Variants in CLEC2B observed in about 807,000 individuals in gnomAD.
CLEC2B encodes the protein C-type lectin domain family 2 member B.
A neutral mutation model predicts 16.2 loss-of-function variants in CLEC2B; 14 were observed. That is an observed-to-expected ratio of 0.86 (90% CI 0.57 to 1.35). CLEC2B has a LOEUF of 1.35. Ranked by LOEUF, CLEC2B falls within the 40% of genes most tolerant of loss-of-function variation. The pLI is 0.00. For missense variants in CLEC2B, 166 were observed against 182.3 expected (o/e 0.91, Z 0.52); for synonymous variants, 42 against 55.8 (o/e 0.75, Z 1.10).
At chr12:9,866,602 TG>T (rs1867971806) in intron 1 of CLEC2B, among the ~76,000 whole-genome samples, 2 of 152,250 alleles carry the variant, frequency 1.3e-5, no homozygotes, top group African/African-American at 4.8e-5. Context: ...TTATTTTGTG[TG>T]TGTTAAGAGT....
intron 2 of CLEC2B, 31 bp downstream of exon 2, chr12:9,862,468 C>T (rs778547868): frequency 7.0e-7 from 1 of 1,425,068 alleles, no homozygotes; most frequent in Non-Finnish European, 9.4e-7. Flanking sequence ...CATAGAAAGC[C>T]ATGAAAAATA....
Position 9,853,387 on chromosome 12 carries a change from T to A in CLEC2B, c.363A>T (p.Glu121Asp). The change falls in exon 5 of 5, where the codon GAA becomes GAT. Residue 121 changes from glutamate to aspartate, a missense_variant. Transcript: ENST00000228438. ...CATCATCGCTGAGGTAGGCACATCC[T>A]TCACTCCCTCTCATGCCAAACCTGC... ...FTKSFGMRGSEGCAYLSDDGA... is the reference protein window; with the variant it reads ...FTKSFGMRGSDGCAYLSDDGA... 1 of 1,613,958 alleles carries A rather than the reference T, an allele frequency of 6.2e-7. No individual in the cohort carries two copies. Among genetic ancestry groups the A allele is most frequent in the Non-Finnish European group, 8.5e-7 (1 of 1,179,848 alleles).
intron 4 of CLEC2B, 64 bp downstream of exon 4, chr12:9,854,317 G>T: frequency 9.5e-7 from 1 of 1,056,852 alleles, no homozygotes; most frequent in Non-Finnish European, 1.4e-6. Flanking sequence ...TTTAGCTAAA[G>T]CATAAGTCCT....
chr12:9,863,315 T>A (rs1867947495), intron 1 of CLEC2B, among the ~76,000 whole-genome samples: 1 of 151,490 alleles, frequency 6.6e-6, no homozygotes, highest in South Asian at 2.1e-4. Flanking sequence ...GACAGGTAAA[T>A]TACAAGGAAT....
intron 2 of CLEC2B, among the ~76,000 whole-genome samples, chr12:9,858,026 A>G (rs1867907412): frequency 6.6e-6 from 1 of 151,964 alleles, no homozygotes; most frequent in Non-Finnish European, 1.5e-5. Context: ...TTTAATCTAC[A>G]AAGAAGCAAC....
chr12:9,865,201 A>T lies in CLEC2B; in HGVS notation c.-2-2628T>A, dbSNP rs867554722. Among the ~76,000 whole-genome samples, 346 of 133,636 alleles carry T rather than the reference A, an allele frequency of 2.6e-3. 2 individuals are homozygous for T. The Middle Eastern group carries it at 0.053, about 20-fold the overall frequency. 87.7% of individuals were successfully genotyped at this position (133,636 alleles called of 152,430 possible). A position where few individuals can be genotyped will look rare whatever the true frequency, so the allele number is the denominator to read the frequency against. On this transcript the variant is annotated intron_variant, in intron 1 of 4. Transcript: ENST00000228438. ...CTCTCAAAAAAAAAAAAAAAAAAAA[A>T]GCATAAAGTTAAAGTGGCTGACTTG...
rs990774298 is a variant in CLEC2B at position 9,852,717 on chromosome 12, G to T, written c.*583C>A. Among the ~76,000 whole-genome samples the T allele has an allele frequency of 2.0e-5, 3 of 152,030 alleles. No individual in the cohort carries two copies. Among genetic ancestry groups the T allele is most frequent in the Non-Finnish European group, 4.4e-5 (3 of 68,032 alleles). On this transcript the variant is annotated 3_prime_UTR_variant, in exon 5 of 5. Coordinates refer to ENST00000228438, the MANE Select transcript of CLEC2B (RefSeq NM_005127.3). ...GTAAAGCCAGTTAGCAAACACATAC[G>T]GTGTGTGATCTCCTCCTCACCTTCA...
At chr12:9,854,559 T>C (rs1022650392) in intron 3 of CLEC2B, 75 bp from the exon 4 acceptor site, 5 of 998,178 alleles carry the variant, frequency 5.0e-6, no homozygotes, top group African/African-American at 4.8e-5. Context: ...TCTTGTTTCG[T>C]AGGTTGTGAA....
intron 1 of CLEC2B, among the ~76,000 whole-genome samples, chr12:9,863,043 T>C (rs537573434): frequency 2.4e-4 from 37 of 152,074 alleles, no homozygotes; most frequent in Non-Finnish European, 4.9e-4. Flanking sequence ...CTGTGCTCTG[T>C]TACTTGGCCA....
At chr12:9,862,390 T>C in intron 2 of CLEC2B, 109 bp downstream of exon 2, 1 of 972,034 alleles carries the variant, frequency 1.0e-6, no homozygotes, top group South Asian at 1.7e-5. Context: ...AATGTTATCA[T>C]GTATAATGGG....
intron 1 of CLEC2B, among the ~76,000 whole-genome samples, chr12:9,865,748 T>C (rs1318426609): frequency 2.0e-5 from 3 of 152,102 alleles, no homozygotes; most frequent in Admixed American, 6.6e-5. Flanking sequence ...ACAGACCACA[T>C]TGTAGGCCAA....
chr12:9,857,797 A>G (rs1218189582), intron 2 of CLEC2B, among the ~76,000 whole-genome samples, 160 bp from the exon 3 acceptor site: 2 of 152,076 alleles, frequency 1.3e-5, no homozygotes, highest in South Asian at 2.1e-4. Flanking sequence ...TGTCTTTGTC[A>G]TGTTAGGTCA....
intron 2 of CLEC2B, among the ~76,000 whole-genome samples, chr12:9,860,529 T>C (rs7962689): frequency 0.43 from 65,741 of 151,556 alleles, 14,477 homozygotes; most frequent in Non-Finnish European, 0.48. Context: ...CGAATCAATA[T>C]TTTAAATGTA....
intron 3 of CLEC2B, among the ~76,000 whole-genome samples, chr12:9,855,729 C>T (rs917319218): frequency 6.6e-6 from 1 of 151,998 alleles, no homozygotes; most frequent in Non-Finnish European, 1.5e-5. Flanking sequence ...AAAATGTTAA[C>T]ATTATTTGCT....
At chr12:9,858,762 C>A (rs1265241978) in intron 2 of CLEC2B, among the ~76,000 whole-genome samples, 2 of 150,594 alleles carry the variant, frequency 1.3e-5, no homozygotes, top group African/African-American at 2.5e-5. Context: ...GTGTATATAT[C>A]TCTCTCATGT....
chr12:9,858,906 C>CTGAAGT (rs1271898445), intron 2 of CLEC2B, among the ~76,000 whole-genome samples: 1 of 152,006 alleles, frequency 6.6e-6, no homozygotes, highest in Admixed American at 6.6e-5. Flanking sequence ...AGATATATCA[C>CTGAAGT]TGAAGTTGAA....
chr12:9,855,068 ATTGT>A (rs769258430), intron 3 of CLEC2B, among the ~76,000 whole-genome samples: 3 of 152,122 alleles, frequency 2.0e-5, no homozygotes, highest in Non-Finnish European at 2.9e-5. Context: ...CTTCTGATGC[ATTGT>A]TTAACTTACC....
chr12:9,862,705 C>A, intron 1 of CLEC2B, 132 bp from the exon 2 acceptor site: 1 of 753,546 alleles, frequency 1.3e-6, no homozygotes, highest in Non-Finnish European at 1.8e-6. Flanking sequence ...CCAGCAATAT[C>A]CTAGAATTCA....
chr12:9,862,558 T>C lies in CLEC2B; in HGVS notation c.14A>G (p.His5Arg), dbSNP rs769771190. ...ACCAACAATTATAAAACACTTTTTA[T>C]GTTTGGTCATCATACCTGAAAAATA... The part of the protein sequence containing the change: MMTK[H>R]KKCFIIVGVL... The change falls in exon 2 of 5, where the codon CAT becomes CGT. Residue 5 changes from histidine to arginine, a missense_variant. Transcript: ENST00000228438. The C allele has an allele frequency of 1.4e-6, 2 of 1,478,496 alleles. No homozygotes were observed. The highest frequency in any genetic ancestry group is 1.8e-4 in the Middle Eastern group (1 of 5,582). 91.6% of individuals were successfully genotyped at this position (1,478,496 alleles called of 1,614,324 possible).
Sources: allele counts gnomAD v4.1 joint callset (sites outside exome capture counted in the v4.1 genomes callset), GRCh38; gene constraint gnomAD v4.1.1; transcripts MANE v1.5; gene names NCBI Gene and HGNC (gene_info 2026-07-23, HGNC 2026-07-21).